Variants in POFUT4 observed in about 807,000 individuals in gnomAD.
POFUT4 encodes the protein GDP-fucose protein O-fucosyltransferase 4.
the POFUT4 span, chr10:73,775,126 T>C: frequency 4.7e-6 from 2 of 424,262 alleles, no homozygotes; most frequent in African/African-American, 2.0e-5. Flanking sequence ...TTCTAGATAC[T>C]GGATGCTACT....
the POFUT4 span, chr10:73,778,741 AGTT>A: frequency 1.3e-5 from 2 of 152,234 alleles, no homozygotes; most frequent in Non-Finnish European, 2.9e-5. Context: ...TTATTGCCAA[AGTT>A]GTTCTTTTTT....
At chr10:73,776,691 A>G in the POFUT4 span, among the ~76,000 whole-genome samples, 1 of 152,100 alleles carries the variant, frequency 6.6e-6, no homozygotes, top group Admixed American at 6.6e-5. Context: ...CAAATTATAT[A>G]TATATATTAA....
the POFUT4 span, chr10:73,772,366 C>T: frequency 2.6e-6 from 4 of 1,516,926 alleles, no homozygotes; most frequent in Non-Finnish European, 3.5e-6. Context: ...TGGTGTTGGT[C>T]CTTCTAGGGG....
chr10:73,772,743 T>G, the POFUT4 span: 1 of 1,600,508 alleles, frequency 6.2e-7, no homozygotes, highest in South Asian at 1.1e-5. Context: ...CTGCCGCGCC[T>G]GGCGCACCAG....
chr10:73,775,865 G>C, the POFUT4 span: 1 of 630,008 alleles, frequency 1.6e-6, no homozygotes, highest in Non-Finnish European at 2.7e-6. Flanking sequence ...CTAACATAGG[G>C]CCTCTCCTCA....
chr10:73,775,410 C>T, the POFUT4 span: 2 of 1,608,650 alleles, frequency 1.2e-6, no homozygotes, highest in Admixed American at 1.7e-5. Context: ...CTTTGTCTTC[C>T]TTTCACAGCA....
chr10:73,773,495 C>T, the POFUT4 span: 8 of 1,614,102 alleles, frequency 5.0e-6, no homozygotes, highest in Non-Finnish European at 6.8e-6. Flanking sequence ...AGTTTATTGA[C>T]TTTCTGGACA....
At chr10:73,777,725 T>C in the POFUT4 span, among the ~76,000 whole-genome samples, 1 of 152,082 alleles carries the variant, frequency 6.6e-6, no homozygotes, top group African/African-American at 2.4e-5. Flanking sequence ...TAGCTAATTT[T>C]TGTATTTTTA....
chr10:73,773,127 GACT>G, the POFUT4 span: 1 of 615,272 alleles, frequency 1.6e-6, no homozygotes, highest in Non-Finnish European at 2.6e-6. Context: ...AGGTGTCCAG[GACT>G]CCAGGTGTCC....
the POFUT4 span, chr10:73,776,000 C>T: frequency 2.6e-5 from 8 of 303,978 alleles, no homozygotes; most frequent in South Asian, 1.6e-4. Context: ...ATCCTTTCGA[C>T]TGTACTTGAT....
chr10:73,777,043 G>T, the POFUT4 span, among the ~76,000 whole-genome samples: 2 of 151,986 alleles, frequency 1.3e-5, no homozygotes, highest in African/African-American at 4.8e-5. Context: ...AATTTCTGAT[G>T]GAAATACAGA....
At chr10:73,772,279 T>C in the POFUT4 span, 4 of 1,357,486 alleles carry the variant, frequency 2.9e-6, no homozygotes, top group African/African-American at 6.1e-5. Context: ...CGGTCACGAC[T>C]ATCCGCTGGG....
chr10:73,773,472 C>T, the POFUT4 span: 4 of 1,614,090 alleles, frequency 2.5e-6, no homozygotes, highest in African/African-American at 5.3e-5. Context: ...TGAGTCTCCT[C>T]AGAAGCTGGC....
At chr10:73,776,901 G>A in the POFUT4 span, among the ~76,000 whole-genome samples, 4 of 152,106 alleles carry the variant, frequency 2.6e-5, no homozygotes, top group East Asian at 5.8e-4. Flanking sequence ...GGATAGTCTC[G>A]ATTTCTTGAC....
the POFUT4 span, chr10:73,772,783 C>T: frequency 3.1e-6 from 5 of 1,610,752 alleles, no homozygotes; most frequent in East Asian, 2.2e-5. Context: ...AGGAGTCGCC[C>T]CTCAACAACT....
the POFUT4 span, chr10:73,773,974 C>A: frequency 1.3e-6 from 1 of 774,752 alleles, no homozygotes. Context: ...GGGGATAAGA[C>A]AAGCTGAAAA....
chr10:73,778,843 A>C, the POFUT4 span: 2 of 152,204 alleles, frequency 1.3e-5, no homozygotes, highest in South Asian at 2.1e-4. Context: ...AACAAGAGGG[A>C]AGACAGACCT....
chr10:73,779,875 A>C, the POFUT4 span: 3 of 152,240 alleles, frequency 2.0e-5, no homozygotes, highest in African/African-American at 7.2e-5. Flanking sequence ...CTGGAGCCTC[A>C]GGCCTGCTTT....
At chr10:73,773,834 C>T in the POFUT4 span, 97 of 1,531,554 alleles carry the variant, frequency 6.3e-5, 1 homozygote, top group East Asian at 4.5e-4. Context: ...GCTGGGGTCC[C>T]CTGCAGCTAT....
Sources: gnomAD v4.1 joint callset for allele counts (sites outside exome capture counted in the v4.1 genomes callset) on GRCh38, gnomAD v4.1.1 for gene constraint, MANE v1.5 for transcripts, NCBI Gene and HGNC (gene_info 2026-07-23, HGNC 2026-07-21) for gene names.